Variants in MCC observed in about 807,000 individuals in gnomAD.
The protein encoded by MCC is colorectal mutant cancer protein.
MCC carries 90 observed loss-of-function variants against 116.2 expected under a neutral mutation model. The ratio of observed to expected loss-of-function variants is 0.77; its 90% CI spans 0.65 to 0.92. The LOEUF is 0.92. Ranked by LOEUF, MCC falls within the 40% of genes least tolerant of loss-of-function variation. MCC has a pLI of 0.00. For missense variants in MCC, 1,516 were observed against 1,312.2 expected (o/e 1.16, Z -2.40); for synonymous variants, 578 against 510.5 (o/e 1.13, Z -1.78).
At chr5:113,063,053 C>T (rs1467802133) in intron 14 of MCC, among the ~76,000 whole-genome samples, 1 of 152,192 alleles carries the variant, frequency 6.6e-6, no homozygotes, top group Non-Finnish European at 1.5e-5. Flanking sequence ...GGGTTCCCAT[C>T]CAGGTTTCCC....
rs550068783 is a variant in MCC at position 113,165,979 on chromosome 5, C to T, written c.628-14557G>A. ...GCTTATTAAGAGGGGTGGGAGGGGG[C>T]AGGGAATGAAGGCTGCATATTTTCC... On this transcript the variant is annotated intron_variant, in intron 3 of 18. Transcript: ENST00000408903. 6.4e-5 allele frequency among the ~76,000 whole-genome samples: 8 copies of T among 125,370 alleles called. No homozygotes were observed. In the South Asian group the frequency reaches 1.1e-3, roughly 18 times the overall value. The allele number at this position is 125,370 out of a possible 152,430, so 82.2% of individuals were successfully genotyped here.
intron 2 of MCC, among the ~76,000 whole-genome samples, chr5:113,352,409 C>T (rs1340205392): frequency 6.6e-6 from 1 of 151,966 alleles, no homozygotes; most frequent in Non-Finnish European, 1.5e-5. Flanking sequence ...AAATAAAAGG[C>T]TTACTATCTT....
rs575875139 is a variant in MCC at position 113,073,375 on chromosome 5, C to T, written c.1785-2141G>A. 5.9e-5 allele frequency among the ~76,000 whole-genome samples: 9 copies of T among 152,366 alleles called. 1 individual carries two copies. Among genetic ancestry groups the T allele is most frequent in the African/African-American group, 1.4e-4 (6 of 41,602 alleles). On this transcript the variant is annotated intron_variant, in intron 11 of 18. Transcript: ENST00000408903. Reference sequence around the variant, plus strand: ...GTGCTGCTTCCACTCTTATCCCATCCTTCCCATTCTCCACACCCAGGTAAG... The same window carrying T: ...GTGCTGCTTCCACTCTTATCCCATCTTTCCCATTCTCCACACCCAGGTAAG...
intron 9 of MCC, 91 bp from the exon 10 acceptor site, chr5:113,084,281 C>G (rs890150906): frequency 6.2e-6 from 6 of 967,510 alleles, no homozygotes; most frequent in African/African-American, 1.6e-5. Context: ...TACTTTTTAG[C>G]CATGTCAACT....
chr5:113,035,101 T>C (rs930139175), intron 17 of MCC, among the ~76,000 whole-genome samples: 1 of 152,222 alleles, frequency 6.6e-6, no homozygotes, highest in Admixed American at 6.5e-5. Flanking sequence ...CGATTTCACA[T>C]GTCCAGAGGA....
chr5:113,089,068 C>T (rs552019337), intron 8 of MCC, among the ~76,000 whole-genome samples: 3 of 152,304 alleles, frequency 2.0e-5, no homozygotes, highest in South Asian at 2.1e-4. Context: ...TCATTCAGCA[C>T]CCTTCACAGC....
chr5:113,166,453 C>T (rs1321416278), intron 3 of MCC, among the ~76,000 whole-genome samples: 1 of 152,038 alleles, frequency 6.6e-6, no homozygotes, highest in African/African-American at 2.4e-5. Flanking sequence ...ATGGAGTGTC[C>T]TAAGAGTCCT....
intron 7 of MCC, among the ~76,000 whole-genome samples, chr5:113,103,529 C>G (rs1327964040): frequency 1.3e-5 from 2 of 152,258 alleles, no homozygotes; most frequent in African/African-American, 4.8e-5. Context: ...AGCAGTGTTA[C>G]AAACATGCAT....
intron 17 of MCC, 141 bp from the exon 18 acceptor site, chr5:113,029,197 C>T (rs910130173): frequency 1.5e-6 from 1 of 659,430 alleles, no homozygotes; most frequent in Non-Finnish European, 2.4e-6. Flanking sequence ...ACTAAAGGGC[C>T]CAACAGCGCT....
At chr5:113,269,080 A>G (rs1343091834) in intron 3 of MCC, 25 of 762,972 alleles carry the variant, frequency 3.3e-5, no homozygotes, top group Non-Finnish European at 4.0e-5. Context: ...GTGGGTGAAT[A>G]TTTGATGGAG....
intron 1 of MCC, among the ~76,000 whole-genome samples, chr5:113,417,388 C>T (rs542326087): frequency 6.6e-6 from 1 of 152,330 alleles, no homozygotes; most frequent in Non-Finnish European, 1.5e-5. Context: ...CTGCTTGTTA[C>T]TAAGCTACCA....
At chr5:113,468,860 T>G (rs1391290257) in intron 1 of MCC, among the ~76,000 whole-genome samples, 29 of 150,368 alleles carry the variant, frequency 1.9e-4, no homozygotes, top group African/African-American at 5.1e-4. Flanking sequence ...CAATTTCAGA[T>G]CCTGTTATTG....
At chr5:113,170,360 C>T (rs1761008494) in intron 3 of MCC, among the ~76,000 whole-genome samples, 1 of 152,154 alleles carries the variant, frequency 6.6e-6, no homozygotes, top group Admixed American at 6.5e-5. Flanking sequence ...GGGCAATATA[C>T]CATATTCCTA....
At chr5:113,143,393 T>C (rs1314144849) in intron 4 of MCC, 33 bp from the exon 5 acceptor site, 1 of 1,612,354 alleles carries the variant, frequency 6.2e-7, no homozygotes, top group East Asian at 2.2e-5. Flanking sequence ...GAAGTGCTGA[T>C]GAATTCATGC....
rs762563364 is a variant in MCC, at chr5:113,064,104, G to A, written c.2093C>T (p.Thr698Ile). 35 of 1,614,060 alleles carry A rather than the reference G, an allele frequency of 2.2e-5. 1 individual carries two copies. The South Asian group carries it at 3.5e-4, about 16-fold the overall frequency. Residue 698 changes from threonine (T) to isoleucine (I), a missense_variant, in exon 14 of 19, where the codon ACA (threonine) becomes ATA (isoleucine). Transcript: ENST00000408903. ...CAGGGCCTTGGCAGCGTTCTCAGCT[G>A]TCTTCCGGCAGTCATGAGCTCGCTT... ...MLKRAHDCRK[T>I]AENAAKALLM...
At chr5:113,041,952 G>A (rs1443678191) in intron 17 of MCC, among the ~76,000 whole-genome samples, 2 of 152,048 alleles carry the variant, frequency 1.3e-5, no homozygotes, top group Admixed American at 6.5e-5. Context: ...AGCCGAGATC[G>A]CACCACTGCA....
At chr5:113,379,774 C>G (rs1300245108) in intron 2 of MCC, among the ~76,000 whole-genome samples, 1 of 152,064 alleles carries the variant, frequency 6.6e-6, no homozygotes, top group East Asian at 1.9e-4. Flanking sequence ...AATTTTCACC[C>G]AAAGAACTTT....
intron 2 of MCC, among the ~76,000 whole-genome samples, chr5:113,367,238 T>C (rs1288192053): frequency 6.6e-6 from 1 of 152,158 alleles, no homozygotes; most frequent in Admixed American, 6.5e-5. Flanking sequence ...TATTTACAGA[T>C]AAGCCGAGTT....
intron 3 of MCC, among the ~76,000 whole-genome samples, chr5:113,159,908 T>C (rs59895729): frequency 0.025 from 3,805 of 152,330 alleles, 180 homozygotes; most frequent in African/African-American, 0.086. Context: ...GATGTCTCAC[T>C]GCATGGAAAT....
Sources: allele counts gnomAD v4.1 joint callset (sites outside exome capture counted in the v4.1 genomes callset), GRCh38; gene constraint gnomAD v4.1.1; transcripts MANE v1.5; gene names NCBI Gene and HGNC (gene_info 2026-07-23, HGNC 2026-07-21).